RGSL1: variants seen among roughly 807,000 people sequenced by gnomAD.
RGSL1 encodes regulator of G protein signaling protein-like.
RGSL1 carries 97 observed loss-of-function variants against 124.7 expected under a neutral mutation model. The ratio of observed to expected loss-of-function variants is 0.78; its 90% confidence interval spans 0.66 to 0.92. RGSL1 has a LOEUF of 0.92. RGSL1 is among the 40% of genes least tolerant of loss of function. RGSL1 has a pLI of 0.00. For missense variants in RGSL1, 1,233 were observed against 1,288.4 expected (o/e 0.96, Z 0.66); for synonymous variants, 424 against 438.1 (o/e 0.97, Z 0.40).
At chr1:182,497,323 ATATTATATATATATATTTTTATATCTCCT>A (rs1655999974) in intron 9 of RGSL1, among the ~76,000 whole-genome samples, 1 of 145,946 alleles carries the variant, frequency 6.9e-6, no homozygotes, top group Non-Finnish European at 1.5e-5. Context: ...GGAGATATAT[ATATTATATATATATATTTTTATATCTCCT>A]GATATAAAAA....
At chr1:182,503,765 T>C (rs1656580317) in intron 9 of RGSL1, among the ~76,000 whole-genome samples, 1 of 152,184 alleles carries the variant, frequency 6.6e-6, no homozygotes, top group African/African-American at 2.4e-5. Context: ...ATAATTGGAT[T>C]GTTTGTAACA....
chr1:182,539,610 G>A (rs182735654), intron 14 of RGSL1, among the ~76,000 whole-genome samples: 23 of 152,252 alleles, frequency 1.5e-4, no homozygotes, highest in Admixed American at 1.0e-3. Context: ...GGGTCCATTT[G>A]TCAGATCCAG....
At chr1:182,486,310 ATTTT>A (rs544790840) in intron 6 of RGSL1, among the ~76,000 whole-genome samples, 1 of 137,794 alleles carries the variant, frequency 7.3e-6, no homozygotes, top group African/African-American at 2.7e-5. Context: ...TAGAGTCATA[ATTTT>A]TTTTTTTTTT....
At chr1:182,471,904 A>C (rs533575495) in intron 4 of RGSL1, among the ~76,000 whole-genome samples, 1 of 152,266 alleles carries the variant, frequency 6.6e-6, no homozygotes, top group African/African-American at 2.4e-5. Context: ...TGGATCTCCA[A>C]GGAGCAGGTA....
chr1:182,459,378 A>G (rs1293312378), intron 3 of RGSL1, among the ~76,000 whole-genome samples: 2 of 152,190 alleles, frequency 1.3e-5, no homozygotes, highest in East Asian at 3.9e-4. Flanking sequence ...AGACCACTCT[A>G]AACCCTGATA....
At chr1:182,545,920 T>C (rs1031183831) in intron 15 of RGSL1, among the ~76,000 whole-genome samples, 1 of 152,216 alleles carries the variant, frequency 6.6e-6, no homozygotes, top group African/African-American at 2.4e-5. Flanking sequence ...ATTTATTTAA[T>C]GTTCTCTGGC....
chr1:182,470,929 C>T (rs185583837), intron 4 of RGSL1, among the ~76,000 whole-genome samples: 1 of 152,202 alleles, frequency 6.6e-6, no homozygotes, highest in African/African-American at 2.4e-5. Context: ...AAGAAATCAC[C>T]TGCTATATTC....
At chr1:182,495,410 A>G (rs1016004989) in intron 9 of RGSL1, among the ~76,000 whole-genome samples, 2 of 152,046 alleles carry the variant, frequency 1.3e-5, no homozygotes, top group African/African-American at 4.8e-5. Flanking sequence ...AGATCTCCAC[A>G]TGTCATGTTT....
At chr1:182,511,248 G>A (rs1313063953) in intron 9 of RGSL1, among the ~76,000 whole-genome samples, 4 of 152,056 alleles carry the variant, frequency 2.6e-5, no homozygotes, top group Non-Finnish European at 4.4e-5. Context: ...TCACTGCAAC[G>A]TGTGCCTCCC....
At chr1:182,525,869 A>C (rs920974143) in intron 10 of RGSL1, among the ~76,000 whole-genome samples, 4 of 152,156 alleles carry the variant, frequency 2.6e-5, no homozygotes, top group Non-Finnish European at 5.9e-5. Flanking sequence ...ACGGGGAAAA[A>C]AGATGACACA....
chr1:182,500,504 T>C (rs991864003), intron 9 of RGSL1, among the ~76,000 whole-genome samples: 3 of 152,198 alleles, frequency 2.0e-5, no homozygotes, highest in African/African-American at 4.8e-5. Flanking sequence ...CTTGCAATTC[T>C]ATGTGAGTTT....
intron 21 of RGSL1, among the ~76,000 whole-genome samples, chr1:182,558,023 G>C (rs1245680143): frequency 6.6e-6 from 1 of 151,968 alleles, no homozygotes; most frequent in South Asian, 2.1e-4. Context: ...AGCCAACCTG[G>C]TGTTGCCAGA....
At chr1:182,518,246 C>T (rs1010233039) in intron 9 of RGSL1, among the ~76,000 whole-genome samples, 2 of 152,162 alleles carry the variant, frequency 1.3e-5, no homozygotes. Flanking sequence ...GTTGCCCAAG[C>T]TGGTCTACTA....
At chr1:182,481,626 CAAG>C (rs1425167076) in intron 6 of RGSL1, among the ~76,000 whole-genome samples, 1 of 152,124 alleles carries the variant, frequency 6.6e-6, no homozygotes, top group Non-Finnish European at 1.5e-5. Context: ...GACAAAGACA[CAAG>C]AAGAAAAGTA....
chr1:182,477,172 A>T (rs910227247), intron 6 of RGSL1, among the ~76,000 whole-genome samples: 7 of 152,194 alleles, frequency 4.6e-5, no homozygotes, highest in African/African-American at 1.7e-4. Flanking sequence ...AAGACCAAGG[A>T]AAGCTGCTTT....
upstream of RGSL1, among the ~76,000 whole-genome samples, chr1:182,449,528 C>T (rs530858567): frequency 2.1e-4 from 32 of 152,244 alleles, no homozygotes; most frequent in African/African-American, 7.5e-4. Context: ...ATATTTACTT[C>T]CTATTAGGGA....
chr1:182,530,413 T>G (rs1659082655), intron 12 of RGSL1, 52 bp downstream of exon 12: 3 of 1,395,558 alleles, frequency 2.1e-6, no homozygotes, highest in Non-Finnish European at 2.0e-6. Context: ...CTCCTTGGCT[T>G]CTGAAAGCCA....
At chr1:182,458,933 C>G (rs1652577691) in intron 3 of RGSL1, among the ~76,000 whole-genome samples, 1 of 152,188 alleles carries the variant, frequency 6.6e-6, no homozygotes, top group South Asian at 2.1e-4. Flanking sequence ...CAAGCAATTG[C>G]TGGTGAATTA....
chr1:182,450,154 G>C lies in RGSL1; in HGVS notation c.-12G>C, dbSNP rs1280791463. On this transcript the variant is annotated 5_prime_UTR_variant, in exon 1 of 22. Coordinates refer to ENST00000294854, the MANE Select transcript of RGSL1 (RefSeq NM_001137669.2). ...CCCTAACAAATTACTGTGTCAGGAA[G>C]AGCATGGCAACATGAGCAGTGCTGG... is the stretch of plus-strand genomic sequence containing the variant. The C allele has an allele frequency of 1.3e-6, 2 of 1,551,926 alleles. No individual in the cohort carries two copies. The highest frequency in any genetic ancestry group is 4.9e-5 in the East Asian group (2 of 40,930).
Sources: allele counts gnomAD v4.1 joint callset (sites outside exome capture counted in the v4.1 genomes callset), GRCh38; gene constraint gnomAD v4.1.1; transcripts MANE v1.5; gene names NCBI Gene and HGNC (gene_info 2026-07-23, HGNC 2026-07-21).